NEK6: variants seen among roughly 807,000 people sequenced by gnomAD.
The protein encoded by NEK6 is serine/threonine-protein kinase Nek6.
Under a neutral mutation model 43.5 loss-of-function variants are expected in NEK6, and 27 were observed. The ratio of observed to expected loss-of-function variants is 0.62; its 90% CI spans 0.46 to 0.86. The LOEUF is 0.86. NEK6 is among the 40% of genes least tolerant of loss of function. NEK6 has a pLI of 0.00. For missense variants in NEK6, 318 were observed against 414.4 expected (o/e 0.77, Z 2.02); for synonymous variants, 167 against 164.1 (o/e 1.02, Z -0.14).
chr9:124,347,886 C>T, intron 9 of NEK6, 64 bp downstream of exon 9: 2 of 918,494 alleles, frequency 2.2e-6, no homozygotes, highest in Non-Finnish European at 1.8e-6. Context: ...ATGAGGGCCG[C>T]TCCAAAACAC....
intron 1 of NEK6, among the ~76,000 whole-genome samples, chr9:124,297,269 T>C (rs117771152): frequency 0.015 from 2,340 of 152,130 alleles, 32 homozygotes; most frequent in Non-Finnish European, 0.023. Flanking sequence ...CAAGTGAGGG[T>C]TAGCTTCAAT....
In NEK6 at chr9:124,352,430, G is replaced by T. The variant is rs979213002; in HGVS notation, c.*1483G>T. The T allele has an allele frequency of 2.6e-5, 4 of 152,216 alleles. No homozygotes were observed. The highest frequency in any genetic ancestry group is 4.4e-5 in the Non-Finnish European group (3 of 68,040). The allele number at this position is 152,216 out of a possible 1,614,324, so 9.4% of individuals were successfully genotyped here. A position where few individuals can be genotyped will look rare whatever the true frequency, so the allele number is the denominator to read the frequency against. On this transcript the variant is annotated 3_prime_UTR_variant, in exon 10 of 10. Coordinates refer to ENST00000320246, the MANE Select transcript of NEK6 (RefSeq NM_014397.6). Reference sequence around the variant, plus strand: ...TGACTGGGAGTTACTTAGAATTCATGAAGATTTTAAAATGGCTTTGGAGAT... The same window carrying T: ...TGACTGGGAGTTACTTAGAATTCATTAAGATTTTAAAATGGCTTTGGAGAT...
At chr9:124,267,539 G>A (rs1322649802) in intron 1 of NEK6, among the ~76,000 whole-genome samples, 1 of 152,264 alleles carries the variant, frequency 6.6e-6, no homozygotes, top group Non-Finnish European at 1.5e-5. Flanking sequence ...GTTTTTGTCT[G>A]TGCAGACGCT....
At chr9:124,278,600 C>G (rs1488400927) in intron 1 of NEK6, among the ~76,000 whole-genome samples, 1 of 152,202 alleles carries the variant, frequency 6.6e-6, no homozygotes, top group Non-Finnish European at 1.5e-5. Context: ...CCCCCCCACC[C>G]CTGGCCCACC....
At chr9:124,265,594 G>C (rs1397822626) in intron 1 of NEK6, 1 of 152,176 alleles carries the variant, frequency 6.6e-6, no homozygotes, top group Non-Finnish European at 1.5e-5. Context: ...CGACACTGAG[G>C]CCCAGAGAGA....
intron 5 of NEK6, among the ~76,000 whole-genome samples, chr9:124,322,208 T>C (rs1834101187): frequency 6.6e-6 from 1 of 152,168 alleles, no homozygotes; most frequent in South Asian, 2.1e-4. Flanking sequence ...GAGGGGGAAC[T>C]TCATTTCCAT....
chr9:124,303,068 C>T (rs951538920), intron 2 of NEK6, among the ~76,000 whole-genome samples: 3 of 152,190 alleles, frequency 2.0e-5, no homozygotes, highest in African/African-American at 7.2e-5. Context: ...GCCTAGGGAG[C>T]CCAGCAAGGC....
chr9:124,293,086 C>G, intron 1 of NEK6: 1 of 1,376,126 alleles, frequency 7.3e-7, no homozygotes, highest in Non-Finnish European at 9.5e-7. Flanking sequence ...CCTGGGACTC[C>G]TAGAGTGAGA....
At chr9:124,339,997 G>C (rs1829511050) in intron 8 of NEK6, among the ~76,000 whole-genome samples, 1 of 152,222 alleles carries the variant, frequency 6.6e-6, no homozygotes, top group Admixed American at 6.5e-5. Flanking sequence ...CGGCGATTCT[G>C]TTCATCCTTT....
chr9:124,290,271 G>A (rs1832355230), intron 1 of NEK6, among the ~76,000 whole-genome samples: 1 of 152,224 alleles, frequency 6.6e-6, no homozygotes, highest in African/African-American at 2.4e-5. Context: ...TAGCAGGGTT[G>A]TAGGGGACAT....
chr9:124,349,070 C>T lies in NEK6; in HGVS notation c.831+1248C>T, dbSNP rs375959848. Among the ~76,000 whole-genome samples, 81 of 152,332 alleles carry T rather than the reference C, an allele frequency of 5.3e-4. 1 individual carries two copies. The highest frequency in any genetic ancestry group is 2.4e-3 in the Admixed American group (37 of 15,308). On this transcript the variant is annotated intron_variant, in intron 9 of 9. Coordinates refer to ENST00000320246, the MANE Select transcript of NEK6 (RefSeq NM_014397.6). ...CTGGGTGCTGCGCTTGTGTCCAGGC[C>T]GGAGGCTCCTCGCAGGGCACCTGTG...
At chr9:124,329,540 G>A (rs899240269) in intron 7 of NEK6, among the ~76,000 whole-genome samples, 3 of 152,192 alleles carry the variant, frequency 2.0e-5, no homozygotes, top group Admixed American at 1.3e-4. Context: ...CAAGCCCTCC[G>A]AGCGCCGACC....
At chr9:124,293,201 T>C (rs577458795) in intron 1 of NEK6, among the ~76,000 whole-genome samples, 1 of 152,234 alleles carries the variant, frequency 6.6e-6, no homozygotes, top group Non-Finnish European at 1.5e-5. Context: ...AAACAGGCCA[T>C]GCTGCTTATC....
chr9:124,327,797 G>C (rs1007630776), intron 7 of NEK6, among the ~76,000 whole-genome samples: 1 of 152,210 alleles, frequency 6.6e-6, no homozygotes, highest in Non-Finnish European at 1.5e-5. Context: ...TCCCTCCTAG[G>C]GGGTGGACAT....
chr9:124,300,016 GTC>G (rs1163827824), intron 1 of NEK6: 1 of 152,312 alleles, frequency 6.6e-6, no homozygotes, highest in Non-Finnish European at 1.5e-5. Context: ...CCCCAGAACA[GTC>G]TGTGGAAGGT....
chr9:124,272,405 G>A (rs1439782483), intron 1 of NEK6, among the ~76,000 whole-genome samples: 2 of 152,264 alleles, frequency 1.3e-5, no homozygotes, highest in African/African-American at 2.4e-5. Context: ...CCGGTGCAGG[G>A]TTCCTGGCCA....
intron 1 of NEK6, among the ~76,000 whole-genome samples, chr9:124,276,504 G>C (rs1229669099): frequency 6.6e-6 from 1 of 152,198 alleles, no homozygotes; most frequent in Non-Finnish European, 1.5e-5. Flanking sequence ...GCAATAATGA[G>C]CCCGTGGTAC....
chr9:124,285,588 C>T (rs1832119256), intron 1 of NEK6, among the ~76,000 whole-genome samples: 1 of 152,150 alleles, frequency 6.6e-6, no homozygotes, highest in Non-Finnish European at 1.5e-5. Flanking sequence ...GAAGAGGCAG[C>T]AGATCCGAGC....
At chr9:124,306,528 G>A (rs774243238) in intron 2 of NEK6, among the ~76,000 whole-genome samples, 1 of 152,138 alleles carries the variant, frequency 6.6e-6, no homozygotes, top group Non-Finnish European at 1.5e-5. Context: ...ATCTCACTTA[G>A]TACTCCTGCT....
Sources: allele counts gnomAD v4.1 joint callset (sites outside exome capture counted in the v4.1 genomes callset), GRCh38; gene constraint gnomAD v4.1.1; transcripts MANE v1.5; gene names NCBI Gene and HGNC (gene_info 2026-07-23, HGNC 2026-07-21).